ACOX2: variants seen among roughly 807,000 people sequenced by gnomAD.
The protein encoded by ACOX2 is acyl-CoA oxidase 2.
ACOX2 carries 59 observed loss-of-function variants against 77.5 expected under a neutral mutation model. The observed-to-expected ratio is 0.76, with a 90% CI of 0.62 to 0.95. The LOEUF is 0.95. ACOX2 is among the 40% of genes least tolerant of loss of function. The pLI is 0.00. For synonymous variants in ACOX2, 317 were observed against 340.1 expected (o/e 0.93, Z 0.75); for missense variants, 837 against 880.4 (o/e 0.95, Z 0.62).
At chr3:58,518,072 T>A (rs1236812392) in intron 12 of ACOX2, among the ~76,000 whole-genome samples, 2 of 51,254 alleles carry the variant, frequency 3.9e-5, no homozygotes, top group Non-Finnish European at 7.1e-5. Context: ...CAAAACTCCA[T>A]CTCAAAAAAA....
chr3:58,522,448 C>T lies in ACOX2; in HGVS notation c.1632+48G>A. ...GGATTTTCCCAGCAGGGTAGCCTGC[C>T]TGGGAAGCAAAATGGATCCCTTTCA... On this transcript the variant is annotated intron_variant, in intron 12 of 14. Transcript: ENST00000302819. This position sits in a 1 kb window ranked among gnomAD's most constrained non-coding sequence, Gnocchi z 4.3. The T allele has an allele frequency of 6.3e-7, 1 of 1,584,542 alleles. No homozygotes were observed. The highest frequency in any genetic ancestry group is 8.7e-7 in the Non-Finnish European group (1 of 1,154,262).
At chr3:58,506,469 C>T (rs921473904) in intron 14 of ACOX2, among the ~76,000 whole-genome samples, 4 of 152,180 alleles carry the variant, frequency 2.6e-5, no homozygotes, top group Non-Finnish European at 5.9e-5. Flanking sequence ...TTTATGTCTA[C>T]AGGGTGTGTT....
chr3:58,524,551 C>G lies in ACOX2; in HGVS notation c.1401G>C (p.Gln467His), dbSNP rs1301219771. 6.2e-7 allele frequency: 1 copy of G among 1,614,198 alleles called. No homozygotes were observed. Among genetic ancestry groups the G allele is most frequent in the South Asian group, 1.1e-5 (1 of 91,086 alleles). ...QTQMSPGSTP[Q>H]RSLSPSVAYL... ...ATGCGACAGATGGAGAGAGAGATCTCTGTGGCGTGGAGCCAGGGGACATCT... is the reference window on the plus strand; with the variant it reads ...ATGCGACAGATGGAGAGAGAGATCTGTGTGGCGTGGAGCCAGGGGACATCT... The change falls in exon 11 of 15, where the codon CAG (glutamine) becomes CAC (histidine). Residue 467 changes from glutamine (Q) to histidine (H), a missense_variant. Coordinates refer to ENST00000302819, the MANE Select transcript of ACOX2 (RefSeq NM_003500.4). This position sits in a 1 kb window ranked among gnomAD's most constrained non-coding sequence, Gnocchi z 5.5.
rs922431218 is a variant in ACOX2 at position 58,531,564 on chromosome 3, A to G, written c.703+129T>C. The G allele has an allele frequency of 2.8e-6, 4 of 1,443,792 alleles. No individual in the cohort carries two copies. The East Asian group carries it at 9.3e-5, about 33-fold the overall frequency. The allele number at this position is 1,443,792 out of a possible 1,614,324, so 89.4% of individuals were successfully genotyped here. ...TAGCCAGTTAGCACCAAGTCTGTCC[A>G]ACTGGACCGCTCCCTGCCCAAGGGA... On this transcript the variant is annotated intron_variant, in intron 6 of 14. Coordinates refer to ENST00000302819, the MANE Select transcript of ACOX2 (RefSeq NM_003500.4). This position sits in a 1 kb window ranked among gnomAD's most constrained non-coding sequence, Gnocchi z 5.8.
rs142302007 is a variant in ACOX2, at chr3:58,517,274, G to A, written c.1782C>T (p.Asp594=). The change falls in exon 13 of 15, where the codon GAC becomes GAT. Residue 594 remains aspartate, a synonymous_variant. Coordinates refer to ENST00000302819, the MANE Select transcript of ACOX2 (RefSeq NM_003500.4). ...ILTNSGDFLH[D]AFLSGAQVDM... is the part of the protein sequence containing the mutation. The stretch of plus-strand genomic sequence containing the variant: ...CCACTTGGGCACCAGACAGGAAGGC[G>A]TCATGGAGAAAGTCACCCGAGTTAG... 217 of 1,614,078 alleles carry A rather than the reference G, an allele frequency of 1.3e-4. No homozygotes were observed. The highest frequency in any genetic ancestry group is 1.6e-4 in the Non-Finnish European group (193 of 1,180,042).
At position 58,522,675 on chromosome 3, in the gene ACOX2, C is replaced by G. The variant is rs528063383; in HGVS notation, c.1527-74G>C. The G allele has an allele frequency of 7.6e-7, 1 of 1,320,222 alleles. No individual in the cohort carries two copies. The highest frequency in any genetic ancestry group is 1.2e-5 in the South Asian group (1 of 84,112). 81.8% of individuals were successfully genotyped at this position (1,320,222 alleles called of 1,614,324 possible). ...ACAACTGATGGGCTTCCTGTGGTCCCTCAGAAGTAGAAATAATGCCTGTTT... is the reference window on the plus strand; with the variant it reads ...ACAACTGATGGGCTTCCTGTGGTCCGTCAGAAGTAGAAATAATGCCTGTTT... On this transcript the variant is annotated intron_variant, in intron 11 of 14. Coordinates refer to ENST00000302819, the MANE Select transcript of ACOX2 (RefSeq NM_003500.4). The surrounding 1 kb of genome is among the most constrained non-coding windows in gnomAD (Gnocchi z 4.3).
In ACOX2 at chr3:58,530,644, T is replaced by C. The variant is rs1336192641; in HGVS notation, c.820-6A>G. 1.2e-6 allele frequency: 2 copies of C among 1,613,462 alleles called. No homozygotes were observed. Among genetic ancestry groups the C allele is most frequent in the Admixed American group, 1.7e-5 (1 of 59,984 alleles). On this transcript the variant is annotated splice_polypyrimidine_tract_variant and splice_region_variant and intron_variant, in intron 7 of 14. Transcript: ENST00000302819. ...TAGGTGCCATCTGGCAAGACCTGTG[T>C]GGAACAAGGACGGGCACAAGTTCTG...
rs2063391784 is a variant in ACOX2 at position 58,526,080 on chromosome 3, G to A, written c.1346+386C>T. ...GTGGTGAGAGCAGGATGGACGGGGA[G>A]GCAGGGGTCAGGTCACATGGACCTT... On this transcript the variant is annotated intron_variant, in intron 10 of 14. Transcript: ENST00000302819. The surrounding 1 kb of genome is among the most constrained non-coding windows in gnomAD (Gnocchi z 4.3). Among the ~76,000 whole-genome samples, 1 of 152,134 alleles carries A rather than the reference G, an allele frequency of 6.6e-6. No individual in the cohort carries two copies. The highest frequency in any genetic ancestry group is 2.1e-4 in the South Asian group (1 of 4,828).
At position 58,505,341 on chromosome 3, in the gene ACOX2, G is replaced by T; in HGVS notation, c.1984-55C>A. ...ACAGTACATTTCTGCCAGGATTAAT[G>T]ACTTTCACTTTCAAATTAAGTCTCT... On this transcript the variant is annotated intron_variant, in intron 14 of 14. Transcript: ENST00000302819. The surrounding 1 kb of genome is among the most constrained non-coding windows in gnomAD (Gnocchi z 4.4). 2.1e-6 allele frequency: 3 copies of T among 1,410,482 alleles called. No individual in the cohort carries two copies. The South Asian group carries it at 4.1e-5, about 19-fold the overall frequency. The allele number at this position is 1,410,482 out of a possible 1,614,324, so 87.4% of individuals were successfully genotyped here.
Position 58,510,977 on chromosome 3 carries a change from A to T in ACOX2, c.1851-1952T>A, listed in dbSNP as rs1188370062. 8 of 456,368 alleles carry T rather than the reference A, an allele frequency of 1.8e-5. No individual in the cohort carries two copies. The Admixed American group carries it at 1.9e-4, about 11-fold the overall frequency. 28.3% of individuals were successfully genotyped at this position (456,368 alleles called of 1,614,324 possible). On this transcript the variant is annotated intron_variant, in intron 13 of 14. Coordinates refer to ENST00000302819, the MANE Select transcript of ACOX2 (RefSeq NM_003500.4). ...TCTTTTTCTTAGGCAGTTATTTCTT[A>T]CCATCTCTTTGATCCTCAGATTGAC... is the stretch of plus-strand genomic sequence containing the variant.
At position 58,533,315 on chromosome 3, in the gene ACOX2, T is replaced by C. The variant is rs2063454647; in HGVS notation, c.583+130A>G. The C allele has an allele frequency of 1.2e-6, 1 of 805,752 alleles. No individual in the cohort carries two copies. Among genetic ancestry groups the C allele is most frequent in the African/African-American group, 1.7e-5 (1 of 58,210 alleles). 49.9% of individuals were successfully genotyped at this position (805,752 alleles called of 1,614,324 possible). A position where few individuals can be genotyped will look rare whatever the true frequency, so the allele number is the denominator to read the frequency against. On this transcript the variant is annotated intron_variant, in intron 5 of 14. Coordinates refer to ENST00000302819, the MANE Select transcript of ACOX2 (RefSeq NM_003500.4). This position sits in a 1 kb window ranked among gnomAD's most constrained non-coding sequence, Gnocchi z 5.6. ...TGAGGCTCAGGTTGGTGAACTGACTTGCCCAAGGTCAGCAGCCTAGAACAG... is the reference window on the plus strand; with the variant it reads ...TGAGGCTCAGGTTGGTGAACTGACTCGCCCAAGGTCAGCAGCCTAGAACAG...
chr3:58,521,014 C>G lies in ACOX2; in HGVS notation c.1632+1482G>C, dbSNP rs114168792. ...GATTAAATGAAGTAACCCTGGCAAGCAGCATCTGGTCCATTTGAAGGCAGG... is the reference window on the plus strand; with the variant it reads ...GATTAAATGAAGTAACCCTGGCAAGGAGCATCTGGTCCATTTGAAGGCAGG... On this transcript the variant is annotated intron_variant, in intron 12 of 14. Coordinates refer to ENST00000302819, the MANE Select transcript of ACOX2 (RefSeq NM_003500.4). This position sits in a 1 kb window ranked among gnomAD's most constrained non-coding sequence, Gnocchi z 4.8. 2.6e-3 allele frequency among the ~76,000 whole-genome samples: 389 copies of G among 152,330 alleles called. 1 individual carries two copies. The highest frequency in any genetic ancestry group is 8.5e-3 in the African/African-American group (354 of 41,570).
At position 58,535,011 on chromosome 3, in the gene ACOX2, G is replaced by A. The variant is rs777745810; in HGVS notation, c.96C>T (p.Asp32=). ...IESERYMQSF[D]VERLTNILDG... ...CAAGGATGTTGGTGAGCCGTTCCAC[G>A]TCAAAGGACTGCATATACCTCTCGC... The change falls in exon 2 of 15, where the codon GAC becomes GAT. Residue 32 remains aspartate, a synonymous_variant. Coordinates refer to ENST00000302819, the MANE Select transcript of ACOX2 (RefSeq NM_003500.4). The surrounding 1 kb of genome is among the most constrained non-coding windows in gnomAD (Gnocchi z 4.8). 38 of 1,614,074 alleles carry A rather than the reference G, an allele frequency of 2.4e-5. No individual in the cohort carries two copies. Among genetic ancestry groups the A allele is most frequent in the African/African-American group, 5.3e-5 (4 of 74,932 alleles).
chr3:58,509,735 A>G (rs1300055854), intron 13 of ACOX2, among the ~76,000 whole-genome samples: 1 of 149,380 alleles, frequency 6.7e-6, no homozygotes. Flanking sequence ...CCTCCCGAGT[A>G]GTTGGGATTA....
chr3:58,529,072 T>G, intron 8 of ACOX2, 116 bp from the exon 9 acceptor site: 1 of 1,085,350 alleles, frequency 9.2e-7, no homozygotes, highest in Non-Finnish European at 1.3e-6. Context: ...ATTGCAAAAC[T>G]TGAACTGACA....
Position 58,534,801 on chromosome 3 carries a change from T to C in ACOX2, c.160+146A>G. 1.4e-6 allele frequency: 2 copies of C among 1,425,540 alleles called. No individual in the cohort carries two copies. Among genetic ancestry groups the C allele is most frequent in the South Asian group, 1.2e-5 (1 of 81,388 alleles). 88.3% of individuals were successfully genotyped at this position (1,425,540 alleles called of 1,614,324 possible). The stretch of plus-strand genomic sequence containing the variant: ...GCAATATTGACATGTGAAGATTGTC[T>C]TTACAGTTCGAAGGAATGAATCTCT... On this transcript the variant is annotated intron_variant, in intron 2 of 14. Coordinates refer to ENST00000302819, the MANE Select transcript of ACOX2 (RefSeq NM_003500.4). The surrounding 1 kb of genome is among the most constrained non-coding windows in gnomAD (Gnocchi z 4.8).
In ACOX2 at chr3:58,531,848, G is replaced by A; in HGVS notation, c.584-36C>T. ...AGAGAGTAGCGGCCCGTCACAGGAA[G>A]ACCTGTGCATTGCTTTTCCCAACCA... On this transcript the variant is annotated intron_variant, in intron 5 of 14. Transcript: ENST00000302819. This position sits in a 1 kb window ranked among gnomAD's most constrained non-coding sequence, Gnocchi z 5.8. The A allele has an allele frequency of 6.3e-7, 1 of 1,598,428 alleles. No homozygotes were observed. The highest frequency in any genetic ancestry group is 8.5e-7 in the Non-Finnish European group (1 of 1,173,222).
Position 58,508,880 on chromosome 3 carries a change from T to G in ACOX2, c.1983+13A>C, listed in dbSNP as rs778762236. 1 of 1,613,872 alleles carries G rather than the reference T, an allele frequency of 6.2e-7. No homozygotes were observed. The highest frequency in any genetic ancestry group is 8.5e-7 in the Non-Finnish European group (1 of 1,179,876). On this transcript the variant is annotated intron_variant, in intron 14 of 14. Coordinates refer to ENST00000302819, the MANE Select transcript of ACOX2 (RefSeq NM_003500.4). Reference sequence around the variant, plus strand: ...CTTTCTTACATAATTTATAATGTGTTCCACTCAACTACCTGAGTATTGGTT... The same window carrying G: ...CTTTCTTACATAATTTATAATGTGTGCCACTCAACTACCTGAGTATTGGTT...
rs1409282736 is a variant in ACOX2, at chr3:58,535,568, G to A, written c.-91-371C>T. On this transcript the variant is annotated intron_variant, in intron 1 of 14. Coordinates refer to ENST00000302819, the MANE Select transcript of ACOX2 (RefSeq NM_003500.4). The surrounding 1 kb of genome is among the most constrained non-coding windows in gnomAD (Gnocchi z 4.8). Reference sequence around the variant, plus strand: ...CACAGCTGGAGATGGCCAGGAGTTGGATGGGGTCTGACCACAAAGCACATG... The same window carrying A: ...CACAGCTGGAGATGGCCAGGAGTTGAATGGGGTCTGACCACAAAGCACATG... 3.9e-5 allele frequency among the ~76,000 whole-genome samples: 6 copies of A among 152,314 alleles called. No individual in the cohort carries two copies. In the East Asian group the frequency reaches 1.2e-3, roughly 29 times the overall value.
Sources: allele counts gnomAD v4.1 joint callset (sites outside exome capture counted in the v4.1 genomes callset), GRCh38; gene constraint gnomAD v4.1.1; non-coding constraint Gnocchi (gnomAD v3.1); transcripts MANE v1.5; gene names NCBI Gene and HGNC (gene_info 2026-07-23, HGNC 2026-07-21).